ABLIM1: variants seen among roughly 807,000 people sequenced by gnomAD.
ABLIM1 encodes the protein actin binding LIM protein 1.
Under a neutral mutation model 107.0 loss-of-function variants are expected in ABLIM1, and 40 were observed. That is an observed-to-expected ratio of 0.37 (90% CI 0.29 to 0.49). The LOEUF (loss-of-function observed/expected upper bound fraction) is 0.49, where lower values mean the gene tolerates loss of function less well. ABLIM1 is among the 20% of genes least tolerant of loss of function. The pLI is 0.97. For missense variants in ABLIM1, 857 were observed against 1,008.5 expected (o/e 0.85, Z 2.04); for synonymous variants, 357 against 357.3 (o/e 1.00, Z 0.01).
intron 6 of ABLIM1, among the ~76,000 whole-genome samples, chr10:114,514,571 G>T (rs1003460008): frequency 6.6e-6 from 1 of 152,124 alleles, no homozygotes; most frequent in Admixed American, 6.6e-5. Context: ...TAGAGACAGG[G>T]TCTCCCTATG....
At chr10:114,609,626 A>G (rs1369057469) in intron 1 of ABLIM1, among the ~76,000 whole-genome samples, 3 of 152,158 alleles carry the variant, frequency 2.0e-5, no homozygotes, top group African/African-American at 7.2e-5. Context: ...CTGAGTTGTC[A>G]TCTCTATACT....
At chr10:114,643,033 GAA>G (rs1302674433) in intron 1 of ABLIM1, among the ~76,000 whole-genome samples, 1 of 152,202 alleles carries the variant, frequency 6.6e-6, no homozygotes, top group Non-Finnish European at 1.5e-5. Flanking sequence ...AGGTGTTCAG[GAA>G]GCACAACACC....
At chr10:114,761,337 A>G (rs1258010095) in intron 1 of ABLIM1, among the ~76,000 whole-genome samples, 1 of 150,238 alleles carries the variant, frequency 6.7e-6, no homozygotes, top group African/African-American at 2.4e-5. Flanking sequence ...CCCCAACCCC[A>G]TGAACAAGCC....
At chr10:114,480,942 C>T (rs1465705189) in intron 8 of ABLIM1, among the ~76,000 whole-genome samples, 1 of 152,092 alleles carries the variant, frequency 6.6e-6, no homozygotes, top group Non-Finnish European at 1.5e-5. Flanking sequence ...AATAAGTAGC[C>T]AAATGCTTTA....
intron 1 of ABLIM1, among the ~76,000 whole-genome samples, chr10:114,723,966 G>A (rs962209299): frequency 3.3e-5 from 5 of 152,224 alleles, no homozygotes; most frequent in South Asian, 4.2e-4. Context: ...TAACATCTGC[G>A]TGGTTCCTTC....
intron 6 of ABLIM1, among the ~76,000 whole-genome samples, chr10:114,507,749 A>G (rs2061352949): frequency 6.6e-6 from 1 of 152,168 alleles, no homozygotes; most frequent in African/African-American, 2.4e-5. Context: ...CAACCCACTT[A>G]TATCAACAGG....
Position 114,601,844 on chromosome 10 carries a change from T to A in ABLIM1, c.362A>T (p.Lys121Met). The change falls in exon 2 of 23, where the codon AAG becomes ATG. Residue 121 changes from lysine to methionine, a missense_variant. Lys to Met is a moderately conservative substitution (Grantham distance 95). Around this residue, in one of 5 missense-constraint regions of ABLIM1, gnomAD observed 176 missense variants for 173.5 expected, o/e 1.01. Transcript: ENST00000533213. ...LRVQTKHFHI[K>M]CFTCKVCGCD... ...CACCATACCTTTGCAGGTGAAACAC[T>A]TGATGTGGAAATGTTTGGTCTGGAC... 12 of 1,614,112 alleles carry A rather than the reference T, an allele frequency of 7.4e-6. No individual in the cohort carries two copies. Among genetic ancestry groups the A allele is most frequent in the Non-Finnish European group, 9.3e-6 (11 of 1,180,014 alleles).
At chr10:114,564,837 G>A (rs2070427833) in intron 4 of ABLIM1, among the ~76,000 whole-genome samples, 2 of 152,000 alleles carry the variant, frequency 1.3e-5, no homozygotes, top group African/African-American at 4.8e-5. Context: ...TTTCTTTTCT[G>A]GTCCTGAGTA....
chr10:114,628,772 T>C (rs2077981784), intron 1 of ABLIM1, among the ~76,000 whole-genome samples: 1 of 152,210 alleles, frequency 6.6e-6, no homozygotes, highest in Admixed American at 6.5e-5. Context: ...GAGCTTAATC[T>C]CTAATATTTG....
chr10:114,635,680 C>T (rs1223299588), intron 1 of ABLIM1, among the ~76,000 whole-genome samples: 1 of 152,206 alleles, frequency 6.6e-6, no homozygotes, highest in Admixed American at 6.5e-5. Context: ...CGCCACCACG[C>T]CTGGCTAATT....
intron 7 of ABLIM1, among the ~76,000 whole-genome samples, chr10:114,488,570 C>A (rs2058501215): frequency 6.6e-6 from 1 of 151,968 alleles, no homozygotes; most frequent in Admixed American, 6.5e-5. Flanking sequence ...ATTATAAATC[C>A]AAAAATTGCC....
rs1565241782 is a variant in ABLIM1, at chr10:114,444,139, T to G, written c.1828-5A>C. 1 of 1,491,564 alleles carries G rather than the reference T, an allele frequency of 6.7e-7. No individual in the cohort carries two copies. The highest frequency in any genetic ancestry group is 2.3e-5 in the East Asian group (1 of 42,738). The allele number at this position is 1,491,564 out of a possible 1,614,324, so 92.4% of individuals were successfully genotyped here. ...CTGTCCCAGGCCTGAGTTAAGCTAT[T>G]CACAGAAAAAAGGAAAAAAAAAAAA... On this transcript the variant is annotated splice_polypyrimidine_tract_variant and splice_region_variant and intron_variant, in intron 16 of 22. Transcript: ENST00000533213.
At chr10:114,487,917 C>T in intron 8 of ABLIM1, 41 bp downstream of exon 8, 1 of 1,609,572 alleles carries the variant, frequency 6.2e-7, no homozygotes, top group Non-Finnish European at 8.5e-7. Context: ...AGCGTATGGC[C>T]TACAAATGCA....
chr10:114,607,966 C>A (rs1216906445), intron 1 of ABLIM1, among the ~76,000 whole-genome samples: 1 of 152,196 alleles, frequency 6.6e-6, no homozygotes, highest in Non-Finnish European at 1.5e-5. Context: ...GTGTGTTACA[C>A]CAACGCAAAA....
chr10:114,622,754 C>T (rs960301383), intron 1 of ABLIM1, among the ~76,000 whole-genome samples: 2 of 152,080 alleles, frequency 1.3e-5, no homozygotes, highest in African/African-American at 4.8e-5. Flanking sequence ...CCAAACCCTC[C>T]TCTTCTTCCT....
At position 114,583,468 on chromosome 10, in the gene ABLIM1, C is replaced by CATAT. The variant is rs140129654; in HGVS notation, c.380-7873_380-7870dup. Reference sequence around the variant, plus strand: ...ACACACACACACACACACACACACACATATATATATATATATATATATATA... The same window carrying CATAT: ...ACACACACACACACACACACACACACATATATATATATATATATATATATATATA... On this transcript the variant is annotated intron_variant, in intron 2 of 22. Transcript: ENST00000533213. 3.9e-3 allele frequency among the ~76,000 whole-genome samples: 59 copies of CATAT among 15,076 alleles called. 1 individual carries two copies. Among genetic ancestry groups the CATAT allele is most frequent in the Non-Finnish European group, 5.3e-3 (43 of 8,132 alleles). The allele number at this position is 15,076 out of a possible 152,430, so 9.9% of individuals were successfully genotyped here. A position where few individuals can be genotyped will look rare whatever the true frequency, so the allele number is the denominator to read the frequency against.
At chr10:114,779,987 A>G in the ABLIM1 span, 1 of 151,754 alleles carries the variant, frequency 6.6e-6, no homozygotes, top group Non-Finnish European at 1.5e-5. Context: ...CATCATTCAC[A>G]TATTAAAAGG....
At chr10:114,799,366 A>G in the ABLIM1 span, among the ~76,000 whole-genome samples, 1 of 152,086 alleles carries the variant, frequency 6.6e-6, no homozygotes, top group Non-Finnish European at 1.5e-5. Flanking sequence ...TTTCTCATTT[A>G]TATTTCCACA....
the ABLIM1 span, among the ~76,000 whole-genome samples, chr10:114,773,369 G>C: frequency 6.6e-6 from 1 of 152,242 alleles, no homozygotes; most frequent in South Asian, 2.1e-4. Context: ...AGACTCAAGG[G>C]AAAGGATAAA....
Sources: allele counts gnomAD v4.1 joint callset (sites outside exome capture counted in the v4.1 genomes callset), GRCh38; gene constraint gnomAD v4.1.1; regional missense constraint gnomAD v4.1.1; transcripts MANE v1.5; gene names NCBI Gene and HGNC (gene_info 2026-07-23, HGNC 2026-07-21).